Variants in RAB8B observed in about 807,000 individuals in gnomAD.
RAB8B encodes ras-related protein Rab-8B.
In RAB8B, 11 loss-of-function variants were observed where a neutral mutation model predicts 32.0. That is an observed-to-expected ratio of 0.34 (90% CI 0.22 to 0.57). The LOEUF (loss-of-function observed/expected upper bound fraction) is 0.57. Ranked by LOEUF, RAB8B falls within the 20% of genes least tolerant of loss-of-function variation. The pLI is 0.86. For synonymous variants in RAB8B, 103 were observed against 89.6 expected (o/e 1.15, Z -0.85); for missense variants, 190 against 258.5 (o/e 0.73, Z 1.82).
intron 3 of RAB8B, among the ~76,000 whole-genome samples, chr15:63,251,869 C>T (rs568973014): frequency 1.3e-5 from 2 of 152,198 alleles, no homozygotes; most frequent in East Asian, 3.9e-4. Flanking sequence ...CCGGGCCCAC[C>T]ATTTTCAGCA....
intron 1 of RAB8B, among the ~76,000 whole-genome samples, chr15:63,244,253 C>G (rs1010703084): frequency 6.6e-6 from 1 of 152,174 alleles, no homozygotes. Context: ...TACTTGCTAA[C>G]TGTTTAAAAT....
chr15:63,248,732 T>C lies in RAB8B; in HGVS notation c.186-913T>C, dbSNP rs1312785321. On this transcript the variant is annotated intron_variant, in intron 2 of 7. Coordinates refer to ENST00000321437, the MANE Select transcript of RAB8B (RefSeq NM_016530.3). This position sits in a 1 kb window ranked among gnomAD's most constrained non-coding sequence, Gnocchi z 4.4. ...ATGTCTATGTTAAGGTGTTTATTGC[T>C]TTTTAACTTATGATATTCCCTTGGG... Among the ~76,000 whole-genome samples the C allele has an allele frequency of 6.6e-6, 1 of 152,192 alleles. No homozygotes were observed. Among genetic ancestry groups the C allele is most frequent in the African/African-American group, 2.4e-5 (1 of 41,438 alleles).
intron 1 of RAB8B, among the ~76,000 whole-genome samples, chr15:63,212,986 A>T (rs1311986663): frequency 1.3e-5 from 2 of 152,212 alleles, no homozygotes. Context: ...TTAGTTTTTT[A>T]TAAGGCTTTG....
At position 63,192,116 on chromosome 15, in the gene RAB8B, C is replaced by T. The variant is rs115935029; in HGVS notation, c.124+2368C>T. ...AGGTGTGAGCTGTGTCTTCAGTTGA[C>T]GTGGAGGAGGGGAAATCCCATACCT... On this transcript the variant is annotated intron_variant, in intron 1 of 7. Transcript: ENST00000321437. 1.5e-3 allele frequency among the ~76,000 whole-genome samples: 222 copies of T among 152,226 alleles called. 1 individual carries two copies. The highest frequency in any genetic ancestry group is 5.2e-3 in the African/African-American group (215 of 41,532).
chr15:63,205,156 A>G (rs1454228736), intron 1 of RAB8B, among the ~76,000 whole-genome samples: 1 of 152,050 alleles, frequency 6.6e-6, no homozygotes, highest in African/African-American at 2.4e-5. Context: ...AAAAGTTAGC[A>G]GGGCATGATG....
chr15:63,251,674 A>T (rs966693600), intron 3 of RAB8B, among the ~76,000 whole-genome samples: 4 of 152,128 alleles, frequency 2.6e-5, no homozygotes, highest in Non-Finnish European at 5.9e-5. Flanking sequence ...GAAGGTAGAG[A>T]TTTCTGTCTT....
intron 1 of RAB8B, among the ~76,000 whole-genome samples, chr15:63,219,591 G>C (rs2037826556): frequency 6.6e-6 from 1 of 152,118 alleles, no homozygotes. Context: ...TTTCAGTTAT[G>C]TAAGTATGTA....
intron 1 of RAB8B, among the ~76,000 whole-genome samples, chr15:63,231,624 G>A (rs1567015685): frequency 6.6e-6 from 1 of 152,032 alleles, no homozygotes. Context: ...AATAATAGAG[G>A]TTCATACTCG....
In RAB8B at chr15:63,263,622, A is replaced by G; in HGVS notation, c.*3A>G. On this transcript the variant is annotated 3_prime_UTR_variant, in exon 8 of 8. Transcript: ENST00000321437. Reference sequence around the variant, plus strand: ...TCTTTCGTTGCTCGCTACTTTGATGAACTCTTTCTGAGAGACTGCAGCACA... The same window carrying G: ...TCTTTCGTTGCTCGCTACTTTGATGGACTCTTTCTGAGAGACTGCAGCACA... The G allele has an allele frequency of 6.3e-7, 1 of 1,599,090 alleles. No homozygotes were observed. The highest frequency in any genetic ancestry group is 8.6e-7 in the Non-Finnish European group (1 of 1,166,352).
intron 1 of RAB8B, among the ~76,000 whole-genome samples, chr15:63,242,876 G>A (rs2038043821): frequency 6.6e-6 from 1 of 151,998 alleles, no homozygotes; most frequent in Admixed American, 6.5e-5. Flanking sequence ...GTGGTGTGGG[G>A]GTGGGGGTGG....
chr15:63,189,694 C>T lies in RAB8B; in HGVS notation c.70C>T (p.Leu24Phe). 1 of 1,613,902 alleles carries T rather than the reference C, an allele frequency of 6.2e-7. No homozygotes were observed. Among genetic ancestry groups the T allele is most frequent in the Non-Finnish European group, 8.5e-7 (1 of 1,179,896 alleles). The part of the protein sequence containing the change: ...IGDSGVGKTC[L>F]LFRFSEDAFN... ...CGACTCGGGGGTAGGCAAGACCTGC[C>T]TCCTGTTCCGCTTCTCAGAGGACGC... The change falls in exon 1 of 8, where the codon CTC (leucine) becomes TTC (phenylalanine). Residue 24 changes from leucine to phenylalanine, a missense_variant. Transcript: ENST00000321437.
intron 1 of RAB8B, among the ~76,000 whole-genome samples, chr15:63,210,153 GCTTT>G (rs2037735461): frequency 6.6e-6 from 1 of 152,188 alleles, no homozygotes; most frequent in Non-Finnish European, 1.5e-5. Context: ...TGTTTCATTG[GCTTT>G]CTTTTGTGAA....
intron 1 of RAB8B, among the ~76,000 whole-genome samples, chr15:63,228,281 G>T (rs1201638801): frequency 6.6e-6 from 1 of 152,186 alleles, no homozygotes; most frequent in East Asian, 1.9e-4. Flanking sequence ...CTCCCAAAGT[G>T]CTGGGATTAT....
intron 1 of RAB8B, among the ~76,000 whole-genome samples, chr15:63,198,774 G>A (rs1394204108): frequency 6.6e-6 from 1 of 152,078 alleles, no homozygotes; most frequent in East Asian, 1.9e-4. Context: ...GTGAAGTATT[G>A]GATAATCTAT....
At chr15:63,226,363 A>G (rs1159677435) in intron 1 of RAB8B, among the ~76,000 whole-genome samples, 1 of 152,204 alleles carries the variant, frequency 6.6e-6, no homozygotes, top group Non-Finnish European at 1.5e-5. Flanking sequence ...AGGATAAGGA[A>G]TTGGTTGTAA....
In RAB8B at chr15:63,267,254, C is replaced by T. The variant is rs2038255965; in HGVS notation, c.*3635C>T. 6.6e-6 allele frequency: 1 copy of T among 152,470 alleles called. No homozygotes were observed. Among genetic ancestry groups the T allele is most frequent in the Non-Finnish European group, 1.5e-5 (1 of 67,982 alleles). The allele number at this position is 152,470 out of a possible 1,614,324, so 9.4% of individuals were successfully genotyped here. ...AAAAAATCTAAATGACTGAAATGTA[C>T]AGAAATAAAAATTAGCAAACAATTA... On this transcript the variant is annotated 3_prime_UTR_variant, in exon 8 of 8. Transcript: ENST00000321437.
At chr15:63,257,704 A>G (rs1288043327) in intron 5 of RAB8B, among the ~76,000 whole-genome samples, 5 of 152,168 alleles carry the variant, frequency 3.3e-5, no homozygotes, top group African/African-American at 9.7e-5. Flanking sequence ...GTCTCAATCA[A>G]TAGAAATCAA....
chr15:63,195,186 A>C (rs1196286344), intron 1 of RAB8B, among the ~76,000 whole-genome samples: 1 of 150,542 alleles, frequency 6.6e-6, no homozygotes, highest in African/African-American at 2.4e-5. Context: ...TTTTAATGTC[A>C]TTGTGTTCTT....
Position 63,264,491 on chromosome 15 carries a change from G to A in RAB8B, c.*872G>A, listed in dbSNP as rs897487314. 6 of 152,196 alleles carry A rather than the reference G, an allele frequency of 3.9e-5. No individual in the cohort carries two copies. The highest frequency in any genetic ancestry group is 3.8e-4 in the East Asian group (2 of 5,198). 9.4% of individuals were successfully genotyped at this position (152,196 alleles called of 1,614,324 possible). On this transcript the variant is annotated 3_prime_UTR_variant, in exon 8 of 8. Coordinates refer to ENST00000321437, the MANE Select transcript of RAB8B (RefSeq NM_016530.3). ...ATATACCATTTAGGGTTTTAGTGCAGCATCTAACTGTGATTCTGTCAATAA... is the reference window on the plus strand; with the variant it reads ...ATATACCATTTAGGGTTTTAGTGCAACATCTAACTGTGATTCTGTCAATAA...
Sources: allele counts gnomAD v4.1 joint callset (sites outside exome capture counted in the v4.1 genomes callset), GRCh38; gene constraint gnomAD v4.1.1; non-coding constraint Gnocchi (gnomAD v3.1); transcripts MANE v1.5; gene names NCBI Gene and HGNC (gene_info 2026-07-23, HGNC 2026-07-21).